The following COL23A1 variants were observed in gnomAD, a reference collection of about 807,000 sequenced individuals.
COL23A1 encodes the protein collagen type XXIII alpha 1 chain.
In COL23A1, 97 loss-of-function variants were observed where a neutral mutation model predicts 99.3. That is an observed-to-expected ratio of 0.98 (90% confidence interval 0.83 to 1.16). The LOEUF (loss-of-function observed/expected upper bound fraction) is 1.16. Among genes scored for constraint, COL23A1 ranks in the 50% most tolerant of loss-of-function variants. The probability of loss-of-function intolerance (pLI) is 0.00; values close to 1 mark genes in which losing one functional copy is unlikely to be tolerated. For synonymous variants in COL23A1, 320 were observed against 308.2 expected (o/e 1.04, Z -0.40); for missense variants, 762 against 757.4 (o/e 1.01, Z -0.07).
At position 178,383,430 on chromosome 5, in the gene COL23A1, T is replaced by G. The variant is rs576917540; in HGVS notation, c.362-76511A>C. Among the ~76,000 whole-genome samples, 161 of 152,334 alleles carry G rather than the reference T, an allele frequency of 1.1e-3. 4 individuals carry two copies. In the South Asian group the frequency reaches 0.032, roughly 30 times the overall value. On this transcript the variant is annotated intron_variant, in intron 2 of 28. Coordinates refer to ENST00000390654, the MANE Select transcript of COL23A1 (RefSeq NM_173465.4). ...CAAGGGTGGCTCCCTTGGTCCAGCT[T>G]GTTCCCCAGTCATGGCCCAGCCGGC...
chr5:178,259,844 A>G, intron 11 of COL23A1, 97 bp from the exon 12 acceptor site: 2 of 1,191,042 alleles, frequency 1.7e-6, no homozygotes, highest in South Asian at 1.7e-5. Flanking sequence ...AGTGGCACTG[A>G]TGACCCGTGC....
At chr5:178,348,261 T>C (rs1376608603) in intron 2 of COL23A1, among the ~76,000 whole-genome samples, 1 of 152,206 alleles carries the variant, frequency 6.6e-6, no homozygotes, top group Non-Finnish European at 1.5e-5. Context: ...TCCCACGCAC[T>C]CGGGGCGACT....
chr5:178,357,515 T>G (rs893699722), intron 2 of COL23A1, among the ~76,000 whole-genome samples: 32 of 152,056 alleles, frequency 2.1e-4, no homozygotes, highest in African/African-American at 7.7e-4. Context: ...AACAAGTGAG[T>G]TCTTTGAAGG....
intron 2 of COL23A1, among the ~76,000 whole-genome samples, chr5:178,431,729 C>G (rs1183579586): frequency 6.6e-6 from 1 of 152,216 alleles, no homozygotes; most frequent in Non-Finnish European, 1.5e-5. Context: ...TTTCAAAAGA[C>G]TCATTGCAAA....
At chr5:178,475,593 G>T (rs1161753523) in intron 2 of COL23A1, among the ~76,000 whole-genome samples, 1 of 152,216 alleles carries the variant, frequency 6.6e-6, no homozygotes, top group Non-Finnish European at 1.5e-5. Context: ...TGCCTGTTGT[G>T]TTAGTTTTCG....
At chr5:178,367,214 C>T (rs563851237) in intron 2 of COL23A1, among the ~76,000 whole-genome samples, 39 of 152,262 alleles carry the variant, frequency 2.6e-4, no homozygotes, top group East Asian at 5.8e-4. Context: ...GCATCCGCTC[C>T]GAGTCTTCCG....
intron 1 of COL23A1, among the ~76,000 whole-genome samples, chr5:178,574,609 A>AT (rs1214589373): frequency 1.3e-5 from 2 of 152,182 alleles, no homozygotes; most frequent in African/African-American, 4.8e-5. Context: ...AGACATTCAG[A>AT]TAACATACAT....
chr5:178,378,290 T>C (rs1763189864), intron 2 of COL23A1: 1 of 152,114 alleles, frequency 6.6e-6, no homozygotes, highest in Admixed American at 6.5e-5. Context: ...CCTGGGAAAA[T>C]GCACATGTGC....
Position 178,242,355 on chromosome 5 carries a change from C to T in COL23A1, c.1480G>A (p.Glu494Lys), listed in dbSNP as rs771283008. ...GCTGCCCTCACCTTCTCTCCACGCT[C>T]GCTCCGATCACCTTTCTCTCCTCGG... ...GPRGEKGDRS[E>K]RGEKGERGVP... The change falls in exon 26 of 29, where the codon GAG becomes AAG. Residue 494 changes from glutamate to lysine, a missense_variant. Glu to Lys is a moderately conservative substitution (Grantham distance 56, BLOSUM62 1). Coordinates refer to ENST00000390654, the MANE Select transcript of COL23A1 (RefSeq NM_173465.4). 1.2e-5 allele frequency: 19 copies of T among 1,613,926 alleles called. No homozygotes were observed. The highest frequency in any genetic ancestry group is 1.5e-5 in the Non-Finnish European group (18 of 1,179,978).
chr5:178,485,182 G>A lies in COL23A1; in HGVS notation c.361+75500C>T, dbSNP rs146378081. 1.2e-3 allele frequency among the ~76,000 whole-genome samples: 176 copies of A among 152,308 alleles called. 1 individual carries two copies. The highest frequency in any genetic ancestry group is 4.0e-3 in the African/African-American group (165 of 41,588). ...GGTGTAGTTTTGTTTGTAAAGAAATGTCAGGATAGGCAGGATGTGGTGGCT... is the reference window on the plus strand; with the variant it reads ...GGTGTAGTTTTGTTTGTAAAGAAATATCAGGATAGGCAGGATGTGGTGGCT... On this transcript the variant is annotated intron_variant, in intron 2 of 28. Transcript: ENST00000390654.
At chr5:178,562,737 G>GGGGGGGGA in intron 1 of COL23A1, 2 of 111,774 alleles carry the variant, frequency 1.8e-5, no homozygotes, top group African/African-American at 8.6e-5. Flanking sequence ...GGCTGGTGGT[G>GGGGGGGGA]GGGGGGGTGC....
At chr5:178,262,170 A>C (rs762017284) in intron 10 of COL23A1, 47 bp downstream of exon 10, 1 of 1,556,640 alleles carries the variant, frequency 6.4e-7, no homozygotes, top group South Asian at 1.2e-5. Flanking sequence ...AGGTCTGGGA[A>C]CCATGATCCT....
Position 178,281,468 on chromosome 5 carries a change from G to T in COL23A1, c.441+6856C>A, listed in dbSNP as rs1756894871. Reference sequence around the variant, plus strand: ...GGGCCCCGGCTGTCGCTGCTCCCAGGACTGAGGCCGGAGATGAAGTGCAGT... The same window carrying T: ...GGGCCCCGGCTGTCGCTGCTCCCAGTACTGAGGCCGGAGATGAAGTGCAGT... On this transcript the variant is annotated intron_variant, in intron 5 of 28. Transcript: ENST00000390654. This position sits in a 1 kb window ranked among gnomAD's most constrained non-coding sequence, Gnocchi z 4.0. Among the ~76,000 whole-genome samples the T allele has an allele frequency of 6.6e-6, 1 of 152,132 alleles. No individual in the cohort carries two copies. The highest frequency in any genetic ancestry group is 2.1e-4 in the South Asian group (1 of 4,820).
At chr5:178,559,227 C>T (rs969483554) in intron 2 of COL23A1, among the ~76,000 whole-genome samples, 5 of 152,174 alleles carry the variant, frequency 3.3e-5, no homozygotes, top group South Asian at 4.1e-4. Flanking sequence ...CCCTCAGAGA[C>T]GGAATTTTCA....
rs115496417 is a variant in COL23A1 at position 178,482,600 on chromosome 5, T to C, written c.361+78082A>G. 1.5e-3 allele frequency among the ~76,000 whole-genome samples: 227 copies of C among 152,230 alleles called. 1 individual carries two copies. Among genetic ancestry groups the C allele is most frequent in the African/African-American group, 4.9e-3 (204 of 41,562 alleles). The stretch of plus-strand genomic sequence containing the variant: ...CCTGTACTTTTAAAAATGGTTACAA[T>C]AGACTTAGGCTGGCCGGGCGTGGTG... On this transcript the variant is annotated intron_variant, in intron 2 of 28. Transcript: ENST00000390654.
chr5:178,424,969 C>T (rs780593753), intron 2 of COL23A1, among the ~76,000 whole-genome samples: 27 of 152,204 alleles, frequency 1.8e-4, no homozygotes, highest in Non-Finnish European at 3.4e-4. Flanking sequence ...GTCAGGGAAG[C>T]GAGCGCCCAG....
At chr5:178,572,072 C>CAAAAAAAAAAAAAAAAAAAA (rs57863132) in intron 1 of COL23A1, among the ~76,000 whole-genome samples, 34 of 109,302 alleles carry the variant, frequency 3.1e-4, no homozygotes, top group African/African-American at 5.5e-4. Flanking sequence ...TTTCTCAAAA[C>CAAAAAAAAAAAAAAAAAAAA]AAAAAAAAAA....
intron 2 of COL23A1, among the ~76,000 whole-genome samples, chr5:178,463,907 G>A (rs755407974): frequency 8.5e-5 from 13 of 152,260 alleles, no homozygotes; most frequent in South Asian, 6.2e-4. Context: ...CAGCCTGGGC[G>A]TGCAGAGACC....
chr5:178,536,785 A>G (rs1581588990), intron 2 of COL23A1, among the ~76,000 whole-genome samples: 1 of 152,166 alleles, frequency 6.6e-6, no homozygotes, highest in South Asian at 2.1e-4. Flanking sequence ...TTTCCCGGGG[A>G]GGTGGGGCAT....
Sources: allele counts gnomAD v4.1 joint callset (sites outside exome capture counted in the v4.1 genomes callset), GRCh38; gene constraint gnomAD v4.1.1; non-coding constraint Gnocchi (gnomAD v3.1); transcripts MANE v1.5; gene names NCBI Gene and HGNC (gene_info 2026-07-23, HGNC 2026-07-21).